The following ANKS1B variants were observed in gnomAD, a reference collection of about 807,000 sequenced individuals.
ANKS1B encodes the protein ankyrin repeat and sterile alpha motif domain containing 1B.
Under a neutral mutation model 148.3 loss-of-function variants are expected in ANKS1B, and 36 were observed. The observed-to-expected ratio is 0.24, with a 90% CI of 0.19 to 0.32. The LOEUF is 0.32. Ranked by LOEUF, ANKS1B falls within the 10% of genes least tolerant of loss-of-function variation. The pLI is 1.00. For missense variants in ANKS1B, 1,157 were observed against 1,542.6 expected (o/e 0.75, Z 4.19); for synonymous variants, 542 against 560.8 (o/e 0.97, Z 0.47).
At chr12:99,071,209 A>G (rs2046167559) in intron 16 of ANKS1B, among the ~76,000 whole-genome samples, 1 of 152,256 alleles carries the variant, frequency 6.6e-6, no homozygotes, top group Admixed American at 6.5e-5. Context: ...GATACTGTGT[A>G]ATTTCATCTT....
chr12:98,902,386 A>G (rs2099773333), intron 17 of ANKS1B, among the ~76,000 whole-genome samples: 1 of 152,290 alleles, frequency 6.6e-6, no homozygotes, highest in South Asian at 2.1e-4. Context: ...TTTCAAGGTT[A>G]GCAATGAAAG....
intron 9 of ANKS1B, among the ~76,000 whole-genome samples, chr12:99,520,136 T>A (rs1011878424): frequency 1.3e-5 from 2 of 152,224 alleles, no homozygotes; most frequent in African/African-American, 4.8e-5. Flanking sequence ...TATTCTCTGT[T>A]TTTTTCTGTG....
chr12:99,679,562 G>A (rs983597641), intron 8 of ANKS1B, among the ~76,000 whole-genome samples: 3 of 151,958 alleles, frequency 2.0e-5, no homozygotes, highest in Non-Finnish European at 2.9e-5. Flanking sequence ...CGCCCTCCTC[G>A]GCCTCCCAAA....
intron 22 of ANKS1B, among the ~76,000 whole-genome samples, chr12:98,794,027 AC>A (rs1351958240): frequency 6.6e-6 from 1 of 152,136 alleles, no homozygotes; most frequent in Non-Finnish European, 1.5e-5. Flanking sequence ...ACAACAACAA[AC>A]CCACTGAAAA....
chr12:99,572,701 T>C (rs1163568225), intron 9 of ANKS1B, among the ~76,000 whole-genome samples: 1 of 152,048 alleles, frequency 6.6e-6, no homozygotes, highest in Non-Finnish European at 1.5e-5. Context: ...CAGCATTAAA[T>C]GGGTAAAATT....
chr12:99,011,222 T>C (rs1018875378), intron 17 of ANKS1B, among the ~76,000 whole-genome samples: 2 of 152,186 alleles, frequency 1.3e-5, no homozygotes, highest in East Asian at 1.9e-4. Flanking sequence ...GAAATAAATG[T>C]ATGTTGTTTG....
chr12:99,615,739 A>G (rs1327050316), intron 9 of ANKS1B, among the ~76,000 whole-genome samples: 4 of 152,152 alleles, frequency 2.6e-5, no homozygotes, highest in Non-Finnish European at 5.9e-5. Flanking sequence ...GCATAAGATA[A>G]GGATTCCCTT....
rs375385477 is a variant in ANKS1B, at chr12:98,816,017, T to C, written c.3067-8099A>G. On this transcript the variant is annotated intron_variant, in intron 19 of 26. Coordinates refer to ENST00000683438, the MANE Select transcript of ANKS1B (RefSeq NM_001352186.2). ...CTCCGTTCTCTGGTACCCACACTGC[T>C]CTACCTCCCTACCCTCCTCTCCTAC... Among the ~76,000 whole-genome samples the C allele has an allele frequency of 3.9e-5, 6 of 152,172 alleles. No homozygotes were observed. The East Asian group carries it at 9.7e-4, about 25-fold the overall frequency.
At chr12:99,378,846 G>T (rs913024986) in intron 12 of ANKS1B, among the ~76,000 whole-genome samples, 1 of 152,130 alleles carries the variant, frequency 6.6e-6, no homozygotes, top group Non-Finnish European at 1.5e-5. Context: ...AGAGCCAAAA[G>T]TCGTGGCCAA....
At chr12:99,364,166 T>C (rs1327207140) in intron 12 of ANKS1B, among the ~76,000 whole-genome samples, 1 of 152,128 alleles carries the variant, frequency 6.6e-6, no homozygotes. Flanking sequence ...AGGACTCCTG[T>C]CTATATAAAC....
chr12:99,545,365 T>C (rs973710864), intron 9 of ANKS1B, among the ~76,000 whole-genome samples: 3 of 152,128 alleles, frequency 2.0e-5, no homozygotes, highest in African/African-American at 7.2e-5. Flanking sequence ...GTCTTTTAAC[T>C]CTTGAAATTG....
chr12:99,315,264 T>A (rs1161079322), intron 12 of ANKS1B, among the ~76,000 whole-genome samples: 3 of 148,618 alleles, frequency 2.0e-5, no homozygotes, highest in Admixed American at 6.7e-5. Flanking sequence ...AAAAAACCTA[T>A]CAGAGCAAAC....
intron 12 of ANKS1B, among the ~76,000 whole-genome samples, chr12:99,344,737 C>A (rs1431300863): frequency 2.2e-4 from 33 of 151,872 alleles, no homozygotes; most frequent in Admixed American, 1.9e-3. Flanking sequence ...TGCATATGAT[C>A]AGTCACATTT....
At chr12:99,161,530 C>A (rs551034835) in intron 14 of ANKS1B, among the ~76,000 whole-genome samples, 32 of 152,088 alleles carry the variant, frequency 2.1e-4, no homozygotes, top group African/African-American at 6.7e-4. Context: ...ACAAACCAAA[C>A]CAAAACAAAA....
chr12:99,388,316 C>T (rs1328859291), intron 12 of ANKS1B, among the ~76,000 whole-genome samples: 1 of 151,972 alleles, frequency 6.6e-6, no homozygotes, highest in Non-Finnish European at 1.5e-5. Context: ...TAATTTAGTA[C>T]CTATTAAAGT....
chr12:98,800,630 G>A (rs886341092), intron 21 of ANKS1B, among the ~76,000 whole-genome samples: 1 of 145,716 alleles, frequency 6.9e-6, no homozygotes, highest in African/African-American at 2.6e-5. Context: ...TACATAAAGT[G>A]GCAGACCCAG....
intron 25 of ANKS1B, among the ~76,000 whole-genome samples, chr12:98,768,080 G>A (rs1261282281): frequency 1.3e-5 from 2 of 152,166 alleles, no homozygotes; most frequent in South Asian, 4.1e-4. Context: ...CTGCCCAGAA[G>A]GTGGAGTTTG....
chr12:99,592,336 G>A (rs1038086981), intron 9 of ANKS1B, among the ~76,000 whole-genome samples: 1 of 152,070 alleles, frequency 6.6e-6, no homozygotes, highest in African/African-American at 2.4e-5. Flanking sequence ...ACGGTTTGAA[G>A]TGAATAGTCC....
At chr12:99,011,948 G>T (rs1361287910) in intron 17 of ANKS1B, among the ~76,000 whole-genome samples, 1 of 152,200 alleles carries the variant, frequency 6.6e-6, no homozygotes, top group Non-Finnish European at 1.5e-5. Flanking sequence ...GTGGAAGGAA[G>T]GTGATTTGAA....
Sources: allele counts gnomAD v4.1 joint callset (sites outside exome capture counted in the v4.1 genomes callset), GRCh38; gene constraint gnomAD v4.1.1; transcripts MANE v1.5; gene names NCBI Gene and HGNC (gene_info 2026-07-23, HGNC 2026-07-21).